CD163L1: variants seen among roughly 807,000 people sequenced by gnomAD.
CD163L1 encodes the protein CD163 molecule like 1.
A neutral mutation model predicts 165.4 loss-of-function variants in CD163L1; 124 were observed. The ratio of observed to expected loss-of-function variants is 0.75; its 90% CI spans 0.65 to 0.87. The LOEUF (loss-of-function observed/expected upper bound fraction) is 0.87. Ranked by LOEUF, CD163L1 falls within the 40% of genes least tolerant of loss-of-function variation. The probability of loss-of-function intolerance (pLI) is 0.00; values close to 1 mark genes in which losing one functional copy is unlikely to be tolerated. For missense variants in CD163L1, 1,525 were observed against 1,799.9 expected, an observed-to-expected ratio of 0.85 and a Z score of 2.76; for synonymous variants, 585 against 662.2, an observed-to-expected ratio of 0.88 and a Z score of 1.79.
intron 18 of CD163L1, among the ~76,000 whole-genome samples, chr12:7,365,839 G>GA (rs1405916202): frequency 1.3e-5 from 2 of 152,072 alleles, no homozygotes; most frequent in African/African-American, 4.8e-5. Flanking sequence ...AGTCATTATG[G>GA]AAAACTGTAT....
chr12:7,330,979 G>T, the CD163L1 span, among the ~76,000 whole-genome samples: 1 of 152,220 alleles, frequency 6.6e-6, no homozygotes, highest in East Asian at 1.9e-4. Context: ...AGCTGAAGCA[G>T]GGCGAGGCAT....
At chr12:7,440,162 C>G (rs1948806230) in intron 2 of CD163L1, among the ~76,000 whole-genome samples, 1 of 152,264 alleles carries the variant, frequency 6.6e-6, no homozygotes, top group East Asian at 1.9e-4. Context: ...CCGCCGCCTG[C>G]TCTTGGCTCC....
At chr12:7,329,336 A>ATTTTTTTTTTTTTTT in the CD163L1 span, among the ~76,000 whole-genome samples, 2 of 139,066 alleles carry the variant, frequency 1.4e-5, no homozygotes, top group Admixed American at 7.1e-5. Flanking sequence ...ACCATATTTA[A>ATTTTTTTTTTTTTTT]TTTTTTTTTC....
chr12:7,328,194 TTCAG>T, the CD163L1 span: 1 of 925,096 alleles, frequency 1.1e-6, no homozygotes, highest in Non-Finnish European at 1.6e-6. Flanking sequence ...GACTTTAAAA[TTCAG>T]TCTGAGTTCC....
chr12:7,430,132 A>G (rs1948604855), intron 4 of CD163L1, among the ~76,000 whole-genome samples: 1 of 152,212 alleles, frequency 6.6e-6, no homozygotes, highest in Non-Finnish European at 1.5e-5. Context: ...ACTTACATTA[A>G]GTGAGTCATC....
intron 4 of CD163L1, among the ~76,000 whole-genome samples, chr12:7,429,027 C>T (rs1456809957): frequency 2.0e-5 from 3 of 151,638 alleles, no homozygotes; most frequent in East Asian, 1.9e-4. Flanking sequence ...GTGTTATGTG[C>T]CAAAATTGTT....
At position 7,433,444 on chromosome 12, in the gene CD163L1, C is replaced by T; in HGVS notation, c.375G>A (p.Trp125Ter). 1.9e-6 allele frequency: 3 copies of T among 1,613,658 alleles called. No homozygotes were observed. Among genetic ancestry groups the T allele is most frequent in the Non-Finnish European group, 2.5e-6 (3 of 1,179,728 alleles). The change falls in exon 3 of 20, where the codon TGG becomes TGA. Residue 125 changes from tryptophan to a stop codon, truncating the protein, a stop_gained. Coordinates refer to ENST00000313599, the MANE Select transcript of CD163L1 (RefSeq NM_174941.6). LOFTEE classifies it high-confidence loss of function. The stretch of plus-strand genomic sequence containing the variant: ...TTCCCCATTCCCGGTGTTGACATTC[C>T]CAGAGAGCTGACTCATTTCCATAAC... ...VSCYGNESAL[W>*]ECQHREWGSH... is the part of the protein sequence containing the mutation.
chr12:7,433,671 G>C lies in CD163L1; in HGVS notation c.148C>G (p.Leu50Val). The C allele has an allele frequency of 6.2e-7, 1 of 1,612,438 alleles. No homozygotes were observed. The highest frequency in any genetic ancestry group is 8.5e-7 in the Non-Finnish European group (1 of 1,179,092). The change falls in exon 3 of 20, where the codon CTG becomes GTG. Residue 50 changes from leucine (L) to valine (V), a missense_variant. Physicochemically the swap from Leu to Val is conservative, Grantham distance 32. Transcript: ENST00000313599. The part of the protein sequence containing the change: ...SFNGTDLELR[L>V]VNGDGPCSGT... ...GAGCAGGGACCGTCTCCATTGACCA[G>C]CCTCAACTCCAAATCTGTTCCATCT...
rs747753885 is a variant in CD163L1, at chr12:7,374,885, C to T, written c.3040G>A (p.Val1014Ile). Residue 1014 changes from valine (V) to isoleucine (I), a missense_variant, in exon 12 of 20, where the codon GTA becomes ATA. Coordinates refer to ENST00000313599, the MANE Select transcript of CD163L1 (RefSeq NM_174941.6). This position sits in a 1 kb window ranked among gnomAD's most constrained non-coding sequence, Gnocchi z 5.4. The stretch of plus-strand genomic sequence containing the variant: ...ACTGCAGACAAATATGGGTCAGATA[C>T]ATTTGCGAGGCATGGAAACAGTGGC... ...TQPLFPCLAN[V>I]SDPYLSAVPE... 1.4e-5 allele frequency: 23 copies of T among 1,614,006 alleles called. No homozygotes were observed. The African/African-American group carries it at 2.4e-4, about 17-fold the overall frequency.
chr12:7,379,339 T>C, intron 8 of CD163L1, 41 bp from the exon 9 acceptor site: 2 of 1,585,436 alleles, frequency 1.3e-6, no homozygotes, highest in South Asian at 2.3e-5. Flanking sequence ...AAGCACTCTA[T>C]GTGAGACATT....
At chr12:7,394,123 A>AC (rs137936987) in intron 8 of CD163L1, among the ~76,000 whole-genome samples, 16,245 of 151,470 alleles carry the variant, frequency 0.11, 1,582 homozygotes, top group African/African-American at 0.25. Context: ...ACAAAAAAAA[A>AC]ATCACATAGC....
At chr12:7,324,177 A>G in the CD163L1 span, 2 of 1,429,448 alleles carry the variant, frequency 1.4e-6, no homozygotes, top group Non-Finnish European at 1.9e-6. Context: ...AATTTCCTAT[A>G]TAAGTAGGAT....
intron 14 of CD163L1, 47 bp downstream of exon 14, chr12:7,373,273 T>C (rs368371081): frequency 3.3e-6 from 5 of 1,495,404 alleles, no homozygotes; most frequent in Non-Finnish European, 4.5e-6. Flanking sequence ...TGGTAAGTTA[T>C]ATTTCACAGG....
chr12:7,324,880 G>GT, the CD163L1 span, among the ~76,000 whole-genome samples: 2 of 151,082 alleles, frequency 1.3e-5, no homozygotes, highest in Non-Finnish European at 2.9e-5. Flanking sequence ...AAGTACTTAA[G>GT]TACAGCCACA....
chr12:7,360,999 T>A (rs920853729), intron 18 of CD163L1, among the ~76,000 whole-genome samples: 1 of 152,080 alleles, frequency 6.6e-6, no homozygotes, highest in African/African-American at 2.4e-5. Flanking sequence ...ATTTAGCAAG[T>A]GATCAACCCA....
intron 1 of CD163L1, among the ~76,000 whole-genome samples, chr12:7,441,820 C>G (rs1948834857): frequency 6.6e-6 from 1 of 152,170 alleles, no homozygotes; most frequent in Non-Finnish European, 1.5e-5. Flanking sequence ...TGATTATTTA[C>G]CAAAGCTATC....
At chr12:7,437,345 CT>C (rs1300275788) in intron 2 of CD163L1, among the ~76,000 whole-genome samples, 1 of 32,094 alleles carries the variant, frequency 3.1e-5, no homozygotes, top group Non-Finnish European at 8.3e-5. Flanking sequence ...TATTAATATA[CT>C]TTTATATTTA....
chr12:7,386,675 C>T (rs890316706), intron 8 of CD163L1, among the ~76,000 whole-genome samples: 2 of 147,688 alleles, frequency 1.4e-5, no homozygotes, highest in Non-Finnish European at 3.0e-5. Flanking sequence ...TGAACATATG[C>T]AAATCAATAA....
chr12:7,364,411 T>A (rs1946968301), intron 18 of CD163L1, among the ~76,000 whole-genome samples: 1 of 152,118 alleles, frequency 6.6e-6, no homozygotes, highest in African/African-American at 2.4e-5. Context: ...TCACATTTAT[T>A]CAACATAATA....
Sources: gnomAD v4.1 joint callset for allele counts (sites outside exome capture counted in the v4.1 genomes callset) on GRCh38, gnomAD v4.1.1 for gene constraint, Gnocchi (gnomAD v3.1) non-coding constraint, MANE v1.5 for transcripts, NCBI Gene and HGNC (gene_info 2026-07-23, HGNC 2026-07-21) for gene names.